CDH13: variants seen among roughly 807,000 people sequenced by gnomAD.
CDH13 encodes cadherin 13, also known as cadherin-13.
CDH13 carries 24 observed loss-of-function variants against 63.8 expected under a neutral mutation model. That is an observed-to-expected ratio of 0.38 (90% CI 0.27 to 0.53). The LOEUF is 0.53. CDH13 is among the 20% of genes least tolerant of loss of function. The pLI, the probability that CDH13 is intolerant of heterozygous loss-of-function variation, is 0.85. For synonymous variants in CDH13, 503 were observed against 355.3 expected (o/e 1.42, Z -4.67); for missense variants, 1,049 against 903.1 (o/e 1.16, Z -2.07).
intron 2 of CDH13, chr16:82,884,329 G>C (rs144042093): frequency 2.4e-6 from 1 of 409,826 alleles, no homozygotes; most frequent in African/African-American, 2.1e-5. Context: ...CCTGGGGAGG[G>C]GGTGTTAGAA....
rs188537444 is a variant in CDH13, at chr16:83,729,074, T to C, written c.1539-19034T>C. The C allele has an allele frequency of 1.4e-4, 22 of 152,250 alleles. No homozygotes were observed. In the East Asian group the frequency reaches 3.9e-3, roughly 27 times the overall value. The allele number at this position is 152,250 out of a possible 1,614,324, so 9.4% of individuals were successfully genotyped here. On this transcript the variant is annotated intron_variant, in intron 10 of 13. Coordinates refer to ENST00000567109, the MANE Select transcript of CDH13 (RefSeq NM_001257.5). The stretch of plus-strand genomic sequence containing the variant: ...CTCATCCTATCAGATCAGAGCTCCA[T>C]CCTCATGACCTCATGTAACCTTAAC...
chr16:82,890,129 T>C (rs187474951), intron 2 of CDH13, among the ~76,000 whole-genome samples: 57 of 152,332 alleles, frequency 3.7e-4, no homozygotes, highest in African/African-American at 1.3e-3. Context: ...CACCAATCAG[T>C]TGATGCTAGC....
intron 2 of CDH13, among the ~76,000 whole-genome samples, chr16:82,908,969 C>A (rs545605880): frequency 6.6e-6 from 1 of 152,074 alleles, no homozygotes. Flanking sequence ...TTCCACGGGG[C>A]TGACTGTGGG....
intron 1 of CDH13, among the ~76,000 whole-genome samples, chr16:82,816,464 A>G (rs1435918571): frequency 6.6e-6 from 1 of 152,064 alleles, no homozygotes; most frequent in Admixed American, 6.6e-5. Context: ...GAAATCAAGG[A>G]GGATAGAGTT....
chr16:83,657,159 AC>A (rs1399789100), intron 8 of CDH13, among the ~76,000 whole-genome samples: 1 of 152,180 alleles, frequency 6.6e-6, no homozygotes, highest in Non-Finnish European at 1.5e-5. Context: ...AAACTAACAG[AC>A]TGTGGATCCA....
At chr16:83,081,924 C>A (rs993225764) in intron 3 of CDH13, among the ~76,000 whole-genome samples, 1 of 152,118 alleles carries the variant, frequency 6.6e-6, no homozygotes, top group African/African-American at 2.4e-5. Context: ...CCTCAGGCTC[C>A]CAAATTGCTG....
At chr16:82,650,256 A>G (rs1910571680) in intron 1 of CDH13, among the ~76,000 whole-genome samples, 1 of 152,192 alleles carries the variant, frequency 6.6e-6, no homozygotes, top group Admixed American at 6.5e-5. Flanking sequence ...TTTTGAAAAA[A>G]GAGTTAATAA....
intron 13 of CDH13, among the ~76,000 whole-genome samples, chr16:83,787,492 G>A (rs1469825898): frequency 6.6e-6 from 1 of 152,150 alleles, no homozygotes; most frequent in African/African-American, 2.4e-5. Flanking sequence ...ACGGTGCAGT[G>A]GATTCCCTTA....
chr16:82,745,540 G>A (rs1174294483), intron 1 of CDH13, among the ~76,000 whole-genome samples: 1 of 152,130 alleles, frequency 6.6e-6, no homozygotes, highest in East Asian at 1.9e-4. Flanking sequence ...GGAGGTGGAG[G>A]TTGCAGTGAG....
chr16:82,697,365 C>T (rs2030426937), intron 1 of CDH13, among the ~76,000 whole-genome samples: 1 of 151,658 alleles, frequency 6.6e-6, no homozygotes, highest in Admixed American at 6.6e-5. Context: ...ACTCTCACCC[C>T]AGACTATCCT....
intron 10 of CDH13, among the ~76,000 whole-genome samples, chr16:83,745,842 C>T (rs777820310): frequency 6.6e-6 from 1 of 152,102 alleles, no homozygotes; most frequent in Non-Finnish European, 1.5e-5. Flanking sequence ...TTAACTCTAT[C>T]CTCAGAGGCC....
chr16:83,361,505 A>C (rs1303187554), intron 6 of CDH13, among the ~76,000 whole-genome samples: 1 of 152,186 alleles, frequency 6.6e-6, no homozygotes, highest in Non-Finnish European at 1.5e-5. Context: ...TTATTTCCCA[A>C]GGCCAATGTC....
intron 1 of CDH13, among the ~76,000 whole-genome samples, chr16:82,768,313 C>T (rs1337594496): frequency 6.6e-6 from 1 of 152,220 alleles, no homozygotes; most frequent in Non-Finnish European, 1.5e-5. Context: ...ATGCCTCTCA[C>T]ATGGCCAGTC....
chr16:82,739,662 T>C (rs1214056909), intron 1 of CDH13, among the ~76,000 whole-genome samples: 1 of 152,198 alleles, frequency 6.6e-6, no homozygotes, highest in Non-Finnish European at 1.5e-5. Context: ...AGTTTAAATC[T>C]TGTTGTTCAA....
At chr16:83,296,920 G>A (rs1490783175) in intron 5 of CDH13, among the ~76,000 whole-genome samples, 4 of 152,168 alleles carry the variant, frequency 2.6e-5, no homozygotes, top group Admixed American at 2.6e-4. Flanking sequence ...TTCCATAGAT[G>A]AAGAATAATT....
chr16:83,602,615 C>A (rs749576445), intron 8 of CDH13, 21 bp downstream of exon 8: 24 of 1,613,206 alleles, frequency 1.5e-5, no homozygotes, highest in Non-Finnish European at 2.0e-5. Context: ...GTGCCAAACA[C>A]CAACCACCAC....
At chr16:82,864,202 CGTT>C (rs1440521017) in intron 2 of CDH13, among the ~76,000 whole-genome samples, 2 of 152,046 alleles carry the variant, frequency 1.3e-5, no homozygotes, top group East Asian at 3.9e-4. Context: ...TTTAATATGT[CGTT>C]GTTTCTGAAG....
chr16:82,935,015 G>C (rs2042621937), intron 2 of CDH13, among the ~76,000 whole-genome samples: 1 of 152,178 alleles, frequency 6.6e-6, no homozygotes, highest in African/African-American at 2.4e-5. Context: ...CCTTACGGCA[G>C]CACCCCGCTC....
intron 1 of CDH13, among the ~76,000 whole-genome samples, chr16:82,665,041 T>C (rs1912424202): frequency 6.6e-6 from 1 of 152,216 alleles, no homozygotes. Context: ...CTTGCAGACA[T>C]ATACAGAGCT....
Sources: allele counts gnomAD v4.1 joint callset (sites outside exome capture counted in the v4.1 genomes callset), GRCh38; gene constraint gnomAD v4.1.1; transcripts MANE v1.5; gene names NCBI Gene and HGNC (gene_info 2026-07-23, HGNC 2026-07-21).